DENND2B: variants seen among roughly 807,000 people sequenced by gnomAD.
The protein encoded by DENND2B is DENN domain-containing protein 2B.
Under a neutral mutation model 116.0 loss-of-function variants are expected in DENND2B, and 32 were observed. The observed-to-expected ratio is 0.28, with a 90% CI of 0.21 to 0.37. DENND2B has a LOEUF of 0.37. Ranked by LOEUF, DENND2B falls within the 10% of genes least tolerant of loss-of-function variation. The probability of loss-of-function intolerance (pLI) is 1.00; values close to 1 mark genes in which losing one functional copy is unlikely to be tolerated. For synonymous variants in DENND2B, 588 were observed against 583.9 expected (o/e 1.01, Z -0.10); for missense variants, 1,276 against 1,477.7 (o/e 0.86, Z 2.24).
intron 4 of DENND2B, among the ~76,000 whole-genome samples, chr11:8,823,024 A>G (rs567831234): frequency 3.9e-5 from 6 of 152,336 alleles, no homozygotes; most frequent in Non-Finnish European, 8.8e-5. Context: ...CTATATAATT[A>G]TTGTAGGGAA....
chr11:8,783,954 G>C (rs932710991), intron 1 of DENND2B: 3 of 152,212 alleles, frequency 2.0e-5, no homozygotes, highest in Admixed American at 2.0e-4. Flanking sequence ...AGAGCAGAGA[G>C]TACAGACAGA....
At chr11:8,754,064 A>ACACACACACACAC (rs1565854666) in intron 1 of DENND2B, among the ~76,000 whole-genome samples, 1 of 77,708 alleles carries the variant, frequency 1.3e-5, no homozygotes, top group African/African-American at 5.5e-5. Flanking sequence ...CACACACACA[A>ACACACACACACAC]AGGACATGAA....
intron 1 of DENND2B, among the ~76,000 whole-genome samples, chr11:8,783,517 G>C (rs2058604253): frequency 1.3e-5 from 2 of 152,138 alleles, no homozygotes; most frequent in African/African-American, 4.8e-5. Context: ...GGGGGAAAAA[G>C]CAATATATGT....
chr11:8,784,523 T>A (rs925791104), intron 1 of DENND2B: 1 of 151,416 alleles, frequency 6.6e-6, no homozygotes, highest in African/African-American at 2.4e-5. Flanking sequence ...TTCTCTAGAA[T>A]TGGTGAGATA....
intron 1 of DENND2B, among the ~76,000 whole-genome samples, chr11:8,902,342 G>T (rs967818770): frequency 6.9e-6 from 1 of 145,548 alleles, no homozygotes; most frequent in Non-Finnish European, 1.5e-5. Flanking sequence ...AAAAAAAAAA[G>T]AGTGAGGTGT....
At chr11:8,700,902 A>G (rs1164758882) in intron 14 of DENND2B, among the ~76,000 whole-genome samples, 4 of 151,924 alleles carry the variant, frequency 2.6e-5, no homozygotes, top group East Asian at 1.9e-4. Flanking sequence ...GCTCACTGCA[A>G]CCTCCACCTC....
rs376618945 is a variant in DENND2B at position 8,707,058 on chromosome 11, G to T, written c.2571+27C>A. On this transcript the variant is annotated intron_variant, in intron 13 of 19. Coordinates refer to ENST00000313726, the MANE Select transcript of DENND2B (RefSeq NM_213618.2). This position sits in a 1 kb window ranked among gnomAD's most constrained non-coding sequence, Gnocchi z 4.8. ...CTCCTGCCACCCCAGCCCGTAGCCC[G>T]AGAGAAGAGGGTGCAGAAATCCCTA... is the stretch of plus-strand genomic sequence containing the variant. The T allele has an allele frequency of 7.5e-6, 12 of 1,601,478 alleles. No individual in the cohort carries two copies. Among genetic ancestry groups the T allele is most frequent in the Non-Finnish European group, 1.0e-5 (12 of 1,172,098 alleles).
chr11:8,825,741 A>G (rs998322495), intron 4 of DENND2B, among the ~76,000 whole-genome samples: 4 of 152,156 alleles, frequency 2.6e-5, no homozygotes, highest in African/African-American at 7.2e-5. Context: ...GTAATTTTAC[A>G]CTGAAGCTTA....
chr11:8,723,681 T>A (rs1241598225), intron 4 of DENND2B, among the ~76,000 whole-genome samples: 1 of 152,154 alleles, frequency 6.6e-6, no homozygotes, highest in Non-Finnish European at 1.5e-5. Flanking sequence ...CCACCTGGCT[T>A]CTGGATCTTT....
At chr11:8,749,382 C>T (rs921853316) in intron 2 of DENND2B, among the ~76,000 whole-genome samples, 1 of 152,236 alleles carries the variant, frequency 6.6e-6, no homozygotes, top group African/African-American at 2.4e-5. Flanking sequence ...AGGGGTGTTC[C>T]TATCAGTCTT....
Position 8,727,299 on chromosome 11 carries a change from G to A in DENND2B, c.1341-1090C>T, listed in dbSNP as rs189274132. Among the ~76,000 whole-genome samples, 9 of 152,286 alleles carry A rather than the reference G, an allele frequency of 5.9e-5. No homozygotes were observed. In the East Asian group the frequency reaches 1.5e-3, roughly 26 times the overall value. On this transcript the variant is annotated intron_variant, in intron 3 of 19. Coordinates refer to ENST00000313726, the MANE Select transcript of DENND2B (RefSeq NM_213618.2). ...CTTCTCCTGAGAGTCCTAGGGTGTAGGTAAAGGGCTAAAAGTGTCCTGAAG... is the reference window on the plus strand; with the variant it reads ...CTTCTCCTGAGAGTCCTAGGGTGTAAGTAAAGGGCTAAAAGTGTCCTGAAG...
upstream of DENND2B, among the ~76,000 whole-genome samples, chr11:8,874,945 G>A (rs937186956): frequency 6.6e-6 from 1 of 151,750 alleles, no homozygotes; most frequent in Admixed American, 6.6e-5. Flanking sequence ...TATTGGGGCT[G>A]TGGGGCCTTA....
At chr11:8,745,881 T>C (rs552062753) in intron 2 of DENND2B, among the ~76,000 whole-genome samples, 6 of 152,340 alleles carry the variant, frequency 3.9e-5, no homozygotes, top group East Asian at 3.9e-4. Flanking sequence ...CCCCTAGCCA[T>C]TGAGTCACCC....
At chr11:8,862,838 G>C (rs2063443691) in intron 2 of DENND2B, among the ~76,000 whole-genome samples, 1 of 152,072 alleles carries the variant, frequency 6.6e-6, no homozygotes, top group Non-Finnish European at 1.5e-5. Context: ...GCCCTCCAGG[G>C]ACCAGAAATA....
intron 4 of DENND2B, among the ~76,000 whole-genome samples, chr11:8,720,974 A>G (rs57212881): frequency 0.016 from 2,486 of 152,100 alleles, 71 homozygotes; most frequent in African/African-American, 0.056. Context: ...GCAAATTTCT[A>G]CCTGCATTCC....
chr11:8,832,509 C>CCTGG (rs896515491), intron 4 of DENND2B: 20 of 152,024 alleles, frequency 1.3e-4, no homozygotes, highest in African/African-American at 4.6e-4. Flanking sequence ...AAAGCTAGCT[C>CCTGG]CTGGCTCTAG....
intron 4 of DENND2B, chr11:8,718,804 T>A: frequency 1.0e-6 from 1 of 1,004,548 alleles, no homozygotes; most frequent in South Asian, 4.3e-5. Flanking sequence ...CCCTTGAAGA[T>A]GTTGAGTGGC....
chr11:8,826,568 G>A (rs1220102049), intron 4 of DENND2B, among the ~76,000 whole-genome samples: 1 of 152,154 alleles, frequency 6.6e-6, no homozygotes, highest in African/African-American at 2.4e-5. Flanking sequence ...TAAGGATCTG[G>A]GGAGAGAGAA....
At chr11:8,881,669 G>A (rs1239341533) in intron 1 of DENND2B, among the ~76,000 whole-genome samples, 1 of 152,100 alleles carries the variant, frequency 6.6e-6, no homozygotes, top group East Asian at 1.9e-4. Context: ...CTGAGTAGCT[G>A]GGATTAACAA....
Sources: allele counts gnomAD v4.1 joint callset (sites outside exome capture counted in the v4.1 genomes callset), GRCh38; gene constraint gnomAD v4.1.1; non-coding constraint Gnocchi (gnomAD v3.1); transcripts MANE v1.5; gene names NCBI Gene and HGNC (gene_info 2026-07-23, HGNC 2026-07-21).